BID: variants seen among roughly 807,000 people sequenced by gnomAD.
The protein encoded by BID is BH3 interacting domain death agonist, also known as BH3-interacting domain death agonist.
Under a neutral mutation model 17.4 loss-of-function variants are expected in BID, and 19 were observed. That is an observed-to-expected ratio of 1.09 (90% CI 0.76 to 1.60). The LOEUF (loss-of-function observed/expected upper bound fraction) is 1.60. Among genes scored for constraint, BID ranks in the 40% most tolerant of loss-of-function variants. The pLI is 0.00. For synonymous variants in BID, 108 were observed against 102.8 expected (o/e 1.05, Z -0.31); for missense variants, 226 against 256.0 (o/e 0.88, Z 0.80).
At chr22:17,756,494 T>TTCTTTCTTTCTTTC (rs1454070298) in intron 1 of BID, among the ~76,000 whole-genome samples, 15 of 136,948 alleles carry the variant, frequency 1.1e-4, no homozygotes, top group African/African-American at 4.3e-4. Flanking sequence ...CTTTCTTTCT[T>TTCTTTCTTTCTTTC]TCTCTCTCTC....
At position 17,750,925 on chromosome 22, in the gene BID, A is replaced by G. The variant is rs187089254; in HGVS notation, c.-58-751T>C. Among the ~76,000 whole-genome samples, 57 of 152,208 alleles carry G rather than the reference A, an allele frequency of 3.7e-4. 2 individuals carry two copies. The highest frequency in any genetic ancestry group is 1.3e-4 in the Admixed American group (2 of 15,272). ...TGATGCAAGCCCTGTGGGCCCAGCT[A>G]CTTGGGGGGCTGAAGCAGGAGGATC... On this transcript the variant is annotated intron_variant, in intron 1 of 5. Transcript: ENST00000622694.
chr22:17,765,689 C>A (rs2061673170), intron 1 of BID, among the ~76,000 whole-genome samples: 1 of 152,024 alleles, frequency 6.6e-6, no homozygotes, highest in South Asian at 2.1e-4. Context: ...TGCTGATAAA[C>A]TGAAGAAAAG....
intron 2 of BID, among the ~76,000 whole-genome samples, chr22:17,746,968 C>T (rs960766036): frequency 2.0e-5 from 3 of 152,218 alleles, no homozygotes; most frequent in African/African-American, 7.2e-5. Context: ...TTTTGACCTG[C>T]GCTTGGTAAA....
chr22:17,773,578 GC>G lies in BID; in HGVS notation c.-59+802del. 1 of 1,610,394 alleles carries G rather than the reference GC, an allele frequency of 6.2e-7. No individual in the cohort carries two copies. The highest frequency in any genetic ancestry group is 8.5e-7 in the Non-Finnish European group (1 of 1,178,804). ...CTGCCTGCAGGTGAAGGCCGGTCCAGCCGCAGAAGGCCCAGCCCCCAGCCCA... is the reference window on the plus strand; with the variant it reads ...CTGCCTGCAGGTGAAGGCCGGTCCAGCGCAGAAGGCCCAGCCCCCAGCCCA... On this transcript the variant is annotated intron_variant, in intron 1 of 5. Transcript: ENST00000622694. The surrounding 1 kb of genome is among the most constrained non-coding windows in gnomAD (Gnocchi z 4.4).
chr22:17,756,408 TTC>T (rs1452491155), intron 1 of BID, among the ~76,000 whole-genome samples: 84 of 21,620 alleles, frequency 3.9e-3, no homozygotes, highest in East Asian at 0.024. Context: ...CTTTTCTTTT[TTC>T]TCTTTCTTTC....
intron 1 of BID, among the ~76,000 whole-genome samples, chr22:17,761,754 C>A (rs996755235): frequency 6.6e-6 from 1 of 152,094 alleles, no homozygotes; most frequent in Non-Finnish European, 1.5e-5. Flanking sequence ...ACTTTGAAGG[C>A]AAAGGCATTA....
intron 1 of BID, among the ~76,000 whole-genome samples, chr22:17,753,142 A>AT (rs2061553928): frequency 6.8e-6 from 1 of 146,658 alleles, no homozygotes; most frequent in Admixed American, 6.9e-5. Flanking sequence ...AATTTTTTGT[A>AT]TTTTTAGTAG....
chr22:17,768,135 T>A (rs1207317429), intron 1 of BID, among the ~76,000 whole-genome samples: 2 of 152,218 alleles, frequency 1.3e-5, no homozygotes, highest in Non-Finnish European at 2.9e-5. Flanking sequence ...CACCAGTGTG[T>A]CTGGAGCTTC....
At chr22:17,770,469 C>G (rs1443620502) in intron 1 of BID, among the ~76,000 whole-genome samples, 2 of 152,168 alleles carry the variant, frequency 1.3e-5, no homozygotes, top group Non-Finnish European at 2.9e-5. Flanking sequence ...CCGCCCATCC[C>G]GGACCCAGGG....
Position 17,769,077 on chromosome 22 carries a change from T to TAAATAAA in BID, c.-59+5303_-59+5304insTTTATTT, listed in dbSNP as rs34907440. Among the ~76,000 whole-genome samples, 46 of 145,188 alleles carry TAAATAAA rather than the reference T, an allele frequency of 3.2e-4. No homozygotes were observed. The highest frequency in any genetic ancestry group is 3.0e-3 in the Admixed American group (45 of 14,776). On this transcript the variant is annotated intron_variant, in intron 1 of 5. Coordinates refer to ENST00000622694, the MANE Select transcript of BID (RefSeq NM_001196.4). This position sits in a 1 kb window ranked among gnomAD's most constrained non-coding sequence, Gnocchi z 4.8. ...AATAAATAAATAAATAAATAAATAA[T>TAAATAAA]AACTAAATAAATAAAGAACAAGGCT...
chr22:17,740,964 G>T (rs1413459965), intron 3 of BID: 3 of 152,204 alleles, frequency 2.0e-5, no homozygotes, highest in Non-Finnish European at 4.4e-5. Flanking sequence ...GTGTTCAATA[G>T]ATGCCAGCTA....
At chr22:17,760,221 A>T (rs1414146762) in intron 1 of BID, among the ~76,000 whole-genome samples, 1 of 151,356 alleles carries the variant, frequency 6.6e-6, no homozygotes, top group Admixed American at 6.6e-5. Flanking sequence ...TGATGAGGGC[A>T]GATCACTTGA....
intron 1 of BID, among the ~76,000 whole-genome samples, chr22:17,757,767 T>G (rs1160943938): frequency 6.6e-6 from 1 of 151,504 alleles, no homozygotes; most frequent in African/African-American, 2.4e-5. Flanking sequence ...CTGTAGTGCC[T>G]GTGCGAGTGA....
At chr22:17,758,936 A>T (rs1281919947) in intron 1 of BID, among the ~76,000 whole-genome samples, 1 of 152,178 alleles carries the variant, frequency 6.6e-6, no homozygotes, top group Non-Finnish European at 1.5e-5. Context: ...TATACACTTA[A>T]AAAAGAGCCA....
At chr22:17,753,128 G>C (rs1029832488) in intron 1 of BID, among the ~76,000 whole-genome samples, 3 of 140,160 alleles carry the variant, frequency 2.1e-5, no homozygotes, top group Non-Finnish European at 4.6e-5. Flanking sequence ...CACCACGCCT[G>C]GCTAATTTTT....
At chr22:17,762,629 C>T (rs1253628056) in intron 1 of BID, among the ~76,000 whole-genome samples, 1 of 151,728 alleles carries the variant, frequency 6.6e-6, no homozygotes, top group Non-Finnish European at 1.5e-5. Flanking sequence ...TGGCCCACTA[C>T]AGCCTCAAAC....
At chr22:17,743,676 G>C in intron 3 of BID, 127 bp downstream of exon 3, 2 of 924,314 alleles carry the variant, frequency 2.2e-6, no homozygotes, top group South Asian at 3.4e-5. Context: ...TGATACCAGC[G>C]TACGTGGCAG....
rs1162247304 is a variant in BID at position 17,734,864 on chromosome 22, G to C, written c.*716C>G. 6.6e-6 allele frequency: 1 copy of C among 152,142 alleles called. No homozygotes were observed. Among genetic ancestry groups the C allele is most frequent in the Non-Finnish European group, 1.5e-5 (1 of 68,002 alleles). 9.4% of individuals were successfully genotyped at this position (152,142 alleles called of 1,614,324 possible). On this transcript the variant is annotated 3_prime_UTR_variant, in exon 6 of 6. Transcript: ENST00000622694. ...TACCTGATTTTGTAAACAAACAGTG[G>C]CTGACCTGGGCCCTTAAATCACCTT...
At chr22:17,748,270 G>C (rs941688825) in intron 2 of BID, among the ~76,000 whole-genome samples, 1 of 148,126 alleles carries the variant, frequency 6.8e-6, no homozygotes, top group Admixed American at 6.8e-5. Flanking sequence ...AGCACTTTGG[G>C]AGGCCCAGAC....
Sources: gnomAD v4.1 joint callset for allele counts (sites outside exome capture counted in the v4.1 genomes callset) on GRCh38, gnomAD v4.1.1 for gene constraint, Gnocchi (gnomAD v3.1) non-coding constraint, MANE v1.5 for transcripts, NCBI Gene and HGNC (gene_info 2026-07-23, HGNC 2026-07-21) for gene names.